The following ATRNL1 variants were observed in gnomAD, a reference collection of about 807,000 sequenced individuals.
The protein encoded by ATRNL1 is attractin-like protein 1.
ATRNL1 carries 95 observed loss-of-function variants against 182.7 expected under a neutral mutation model. That is an observed-to-expected ratio of 0.52 (90% CI 0.44 to 0.62). The LOEUF (loss-of-function observed/expected upper bound fraction) is 0.62. Among genes scored for constraint, ATRNL1 ranks in the 20% least tolerant of loss-of-function variants. The pLI is 0.00. For synonymous variants in ATRNL1, 576 were observed against 568.3 expected (o/e 1.01, Z -0.19); for missense variants, 1,471 against 1,679.5 (o/e 0.88, Z 2.17).
At chr10:115,827,254 A>G (rs1331160158) in intron 27 of ATRNL1, among the ~76,000 whole-genome samples, 1 of 152,204 alleles carries the variant, frequency 6.6e-6, no homozygotes, top group African/African-American at 2.4e-5. Context: ...GTAAACAACT[A>G]AACCCATGAG....
intron 25 of ATRNL1, among the ~76,000 whole-genome samples, chr10:115,529,287 A>C (rs1284626213): frequency 1.8e-4 from 28 of 151,742 alleles, no homozygotes; most frequent in Non-Finnish European, 1.5e-5. Context: ...TTTTAACTTA[A>C]ATATAGTATT....
intron 24 of ATRNL1, among the ~76,000 whole-genome samples, chr10:115,516,443 A>ATGAC (rs1850641445): frequency 6.6e-6 from 1 of 151,804 alleles, no homozygotes; most frequent in Admixed American, 6.6e-5. Flanking sequence ...GCAAGCTACT[A>ATGAC]TTGCCTTATG....
rs371950891 is a variant in ATRNL1 at position 115,694,911 on chromosome 10, T to TCACACA, written c.3796-32322_3796-32317dup. On this transcript the variant is annotated intron_variant, in intron 26 of 28. Transcript: ENST00000355044. The stretch of plus-strand genomic sequence containing the variant: ...TTTTTTTTTTACAAATGTTATAAAA[T>TCACACA]CACACACACACACACACACATGCAC... 9.4e-3 allele frequency among the ~76,000 whole-genome samples: 1,236 copies of TCACACA among 131,682 alleles called. 18 individuals are homozygous for TCACACA. The highest frequency in any genetic ancestry group is 0.033 in the African/African-American group (1,164 of 34,834). The allele number at this position is 131,682 out of a possible 152,430, so 86.4% of individuals were successfully genotyped here.
intron 19 of ATRNL1, among the ~76,000 whole-genome samples, chr10:115,380,130 A>G (rs1461702706): frequency 1.3e-5 from 2 of 152,162 alleles, no homozygotes; most frequent in Non-Finnish European, 2.9e-5. Flanking sequence ...GCGCCTGGCC[A>G]ACTTTATATA....
chr10:115,581,658 TAA>T (rs1373995745), intron 26 of ATRNL1, among the ~76,000 whole-genome samples: 1 of 152,090 alleles, frequency 6.6e-6, no homozygotes, highest in Admixed American at 6.6e-5. Flanking sequence ...TAATCAGATA[TAA>T]GTCAGGAGAG....
At chr10:115,277,723 T>C (rs549287158) in intron 13 of ATRNL1, among the ~76,000 whole-genome samples, 1 of 152,280 alleles carries the variant, frequency 6.6e-6, no homozygotes, top group Non-Finnish European at 1.5e-5. Flanking sequence ...ATCATAGGTA[T>C]TGATAATATG....
intron 8 of ATRNL1, among the ~76,000 whole-genome samples, chr10:115,205,520 T>C (rs1238926294): frequency 1.2e-4 from 18 of 152,006 alleles, no homozygotes; most frequent in Admixed American, 3.3e-4. Context: ...CAGTTCTTTG[T>C]GTTTCCTGTT....
chr10:115,891,651 A>G (rs1952082031), intron 28 of ATRNL1, among the ~76,000 whole-genome samples: 1 of 152,128 alleles, frequency 6.6e-6, no homozygotes, highest in African/African-American at 2.4e-5. Flanking sequence ...ACTCTTCTCC[A>G]AATACTAGAT....
chr10:115,538,076 A>T (rs1176615107), intron 25 of ATRNL1, among the ~76,000 whole-genome samples: 1 of 152,218 alleles, frequency 6.6e-6, no homozygotes, highest in Non-Finnish European at 1.5e-5. Flanking sequence ...ATATGGATAT[A>T]TCACACTTTG....
At chr10:115,692,615 A>C (rs1017701347) in intron 26 of ATRNL1, among the ~76,000 whole-genome samples, 6 of 151,644 alleles carry the variant, frequency 4.0e-5, no homozygotes, top group African/African-American at 1.4e-4. Context: ...TAATTTTATA[A>C]ATTTTATAAA....
At chr10:115,879,359 A>G (rs1170046796) in intron 28 of ATRNL1, among the ~76,000 whole-genome samples, 1 of 152,084 alleles carries the variant, frequency 6.6e-6, no homozygotes, top group Non-Finnish European at 1.5e-5. Context: ...ACCAAAGTAA[A>G]ATGCCTTGGC....
Position 115,940,679 on chromosome 10 carries a change from CTCTCTCTCTCTCTCTCTCT to C in ATRNL1, c.4019-3963_4019-3945del, listed in dbSNP as rs782321164. ...AAGGCAATGACAGAGATTACTCTCT[CTCTCTCTCTCTCTCTCTCT>C]TCTCTCTCTCTCTCTTTTAGTGAGT... On this transcript the variant is annotated intron_variant, in intron 28 of 28. Coordinates refer to ENST00000355044, the MANE Select transcript of ATRNL1 (RefSeq NM_207303.4). 3.0e-3 allele frequency among the ~76,000 whole-genome samples: 261 copies of C among 87,578 alleles called. 1 individual carries two copies. Among genetic ancestry groups the C allele is most frequent in the African/African-American group, 4.0e-3 (40 of 10,110 alleles). 57.5% of individuals were successfully genotyped at this position (87,578 alleles called of 152,430 possible).
intron 25 of ATRNL1, among the ~76,000 whole-genome samples, chr10:115,528,576 A>G (rs1554987328): frequency 6.6e-6 from 1 of 151,698 alleles, no homozygotes; most frequent in Non-Finnish European, 1.5e-5. Flanking sequence ...CTTTTTCAAG[A>G]ATCAACTTTT....
At chr10:115,395,322 A>G (rs1346647705) in intron 20 of ATRNL1, among the ~76,000 whole-genome samples, 6 of 151,940 alleles carry the variant, frequency 3.9e-5, no homozygotes, top group Non-Finnish European at 5.9e-5. Flanking sequence ...ATATAGGTGC[A>G]TGTGTCTTTT....
chr10:115,850,226 C>CTGA (rs1306514280), intron 28 of ATRNL1, among the ~76,000 whole-genome samples: 4 of 151,922 alleles, frequency 2.6e-5, no homozygotes, highest in African/African-American at 9.7e-5. Context: ...GCTAGGAATA[C>CTGA]TGATATTCAT....
chr10:115,878,895 G>T (rs781796731), intron 28 of ATRNL1, among the ~76,000 whole-genome samples: 3 of 152,134 alleles, frequency 2.0e-5, no homozygotes, highest in Non-Finnish European at 2.9e-5. Context: ...AGAATTGAGA[G>T]ATTCCAGTGG....
chr10:115,539,581 C>T (rs1238372578), intron 25 of ATRNL1, among the ~76,000 whole-genome samples: 1 of 152,174 alleles, frequency 6.6e-6, no homozygotes, highest in Non-Finnish European at 1.5e-5. Context: ...GGGTAAAGTC[C>T]TCTAGTTCTG....
chr10:115,622,787 C>T (rs1219958215), intron 26 of ATRNL1, among the ~76,000 whole-genome samples: 4 of 152,086 alleles, frequency 2.6e-5, no homozygotes, highest in Middle Eastern at 3.4e-3. Context: ...ATTAGCCAGG[C>T]AAGGTGGCGG....
At chr10:115,129,258 T>C in intron 4 of ATRNL1, 69 bp from the exon 5 acceptor site, 1 of 1,157,236 alleles carries the variant, frequency 8.6e-7, no homozygotes, top group Non-Finnish European at 1.3e-6. Flanking sequence ...TTATAAAGTT[T>C]ATGATGTATC....
Sources: gnomAD v4.1 joint callset for allele counts (sites outside exome capture counted in the v4.1 genomes callset) on GRCh38, gnomAD v4.1.1 for gene constraint, MANE v1.5 for transcripts, NCBI Gene and HGNC (gene_info 2026-07-23, HGNC 2026-07-21) for gene names.